The following TSG101 variants were observed in gnomAD, a reference collection of about 807,000 sequenced individuals.
TSG101 encodes tumor susceptibility gene 101 protein.
TSG101 carries 19 observed loss-of-function variants against 48.5 expected under a neutral mutation model. That is an observed-to-expected ratio of 0.39 (90% CI 0.27 to 0.58). The LOEUF is 0.58. Ranked by LOEUF, TSG101 falls within the 20% of genes least tolerant of loss-of-function variation. The pLI, the probability that TSG101 is intolerant of heterozygous loss-of-function variation, is 0.55. For missense variants in TSG101, 365 were observed against 484.4 expected (o/e 0.75, Z 2.31); for synonymous variants, 174 against 169.4 (o/e 1.03, Z -0.21).
intron 2 of TSG101, among the ~76,000 whole-genome samples, chr11:18,517,541 A>G (rs945030284): frequency 6.6e-6 from 1 of 152,238 alleles, no homozygotes; most frequent in African/African-American, 2.4e-5. Context: ...TGGACTGCAC[A>G]TAAGAACACT....
intron 7 of TSG101, chr11:18,490,111 C>T (rs777877433): frequency 5.6e-6 from 1 of 177,346 alleles, no homozygotes; most frequent in Non-Finnish European, 1.2e-5. Context: ...TCCCATGAAC[C>T]ATTTTTGCTA....
chr11:18,526,718 A>AGGGCGCGGAAGGGAGCGGT, intron 1 of TSG101, 57 bp downstream of exon 1: 1 of 1,576,338 alleles, frequency 6.3e-7, no homozygotes, highest in Admixed American at 1.7e-5. Flanking sequence ...CGGACTCGAC[A>AGGGCGCGGAAGGGAGCGGT]GGGCGCGGAA....
At chr11:18,483,664 A>G (rs533297380) in intron 8 of TSG101, among the ~76,000 whole-genome samples, 119 of 152,280 alleles carry the variant, frequency 7.8e-4, no homozygotes, top group African/African-American at 2.7e-3. Flanking sequence ...AAATGGTCTA[A>G]ATATTATACC....
At chr11:18,514,638 A>T (rs770564885) in intron 4 of TSG101, 40 bp downstream of exon 4, 1 of 1,481,464 alleles carries the variant, frequency 6.8e-7, no homozygotes, top group East Asian at 2.6e-5. Flanking sequence ...AGCAAAATAT[A>T]TAAAACATAA....
intron 7 of TSG101, among the ~76,000 whole-genome samples, chr11:18,484,800 A>G (rs1409111974): frequency 6.6e-6 from 1 of 152,128 alleles, no homozygotes; most frequent in Admixed American, 6.5e-5. Flanking sequence ...AAGTTTGGGT[A>G]TTCTTTATGA....
At chr11:18,496,833 G>A (rs1028896442) in intron 7 of TSG101, among the ~76,000 whole-genome samples, 2 of 152,184 alleles carry the variant, frequency 1.3e-5, no homozygotes, top group Non-Finnish European at 2.9e-5. Context: ...GCTCAGGCCT[G>A]TAATACCAGC....
At chr11:18,487,793 A>G (rs1353751880) in intron 7 of TSG101, among the ~76,000 whole-genome samples, 1 of 152,196 alleles carries the variant, frequency 6.6e-6, no homozygotes, top group Non-Finnish European at 1.5e-5. Context: ...GTGAGCATAC[A>G]TCCTCCTTTT....
chr11:18,506,741 T>C, intron 6 of TSG101, 116 bp downstream of exon 6: 1 of 745,840 alleles, frequency 1.3e-6, no homozygotes, highest in Non-Finnish European at 2.1e-6. Context: ...CCAAGTTTTA[T>C]CTTCCACTAA....
intron 2 of TSG101, among the ~76,000 whole-genome samples, chr11:18,517,138 C>T (rs1850191292): frequency 1.3e-5 from 2 of 151,260 alleles, no homozygotes; most frequent in South Asian, 4.2e-4. Flanking sequence ...CCTCCCACCT[C>T]AGCCTTCCGT....
chr11:18,490,794 G>T lies in TSG101; in HGVS notation c.641-6722C>A, dbSNP rs745404071. On this transcript the variant is annotated intron_variant, in intron 7 of 9. Transcript: ENST00000251968. The stretch of plus-strand genomic sequence containing the variant: ...GGAGAAGACATGCCAGGAAAGCAGC[G>T]GGCACCAACCATGTTCTTGTAGGCA... 5.7e-6 allele frequency: 3 copies of T among 525,964 alleles called. No individual in the cohort carries two copies. The Admixed American group carries it at 6.4e-5, about 11-fold the overall frequency. 32.6% of individuals were successfully genotyped at this position (525,964 alleles called of 1,614,324 possible).
intron 5 of TSG101, chr11:18,508,478 C>T (rs1850014869): frequency 6.6e-6 from 1 of 151,972 alleles, no homozygotes; most frequent in Admixed American, 6.6e-5. Context: ...GTTACAGCTA[C>T]CACACCCGGC....
chr11:18,490,453 G>A lies in TSG101; in HGVS notation c.641-6381C>T. The stretch of plus-strand genomic sequence containing the variant: ...TCATAGTAAAAGACTGAGAAATTAA[G>A]TGCCAGACCAAGTCAAACTGGATGT... On this transcript the variant is annotated intron_variant, in intron 7 of 9. Transcript: ENST00000251968. 3.7e-6 allele frequency: 2 copies of A among 542,360 alleles called. 1 individual carries two copies. The highest frequency in any genetic ancestry group is 3.3e-5 in the South Asian group (2 of 60,814). The allele number at this position is 542,360 out of a possible 1,614,324, so 33.6% of individuals were successfully genotyped here. A position where few individuals can be genotyped will look rare whatever the true frequency, so the allele number is the denominator to read the frequency against.
At chr11:18,517,717 G>T (rs566813175) in intron 2 of TSG101, among the ~76,000 whole-genome samples, 1 of 152,278 alleles carries the variant, frequency 6.6e-6, no homozygotes, top group African/African-American at 2.4e-5. Flanking sequence ...TGTGTAGTAG[G>T]ATATACCATC....
chr11:18,509,595 G>C lies in TSG101; in HGVS notation c.428C>G (p.Ser143Cys). Reference protein sequence around the residue: ...VVFGDEPPVFSRPISASYPPY... With the variant: ...VVFGDEPPVFCRPISASYPPY... ...CGGATAGGATGCCGAAATAGGACGA[G>C]AGAAGACTGGAGGTTCATCTCCAAA... The change falls in exon 5 of 10, where the codon TCT becomes TGT. Residue 143 changes from serine (S) to cysteine (C), a missense_variant. Ser to Cys is a moderately radical substitution (Grantham distance 112). Coordinates refer to ENST00000251968, the MANE Select transcript of TSG101 (RefSeq NM_006292.4). The C allele has an allele frequency of 6.2e-7, 1 of 1,614,010 alleles. No homozygotes were observed. Among genetic ancestry groups the C allele is most frequent in the Non-Finnish European group, 8.5e-7 (1 of 1,179,894 alleles).
intron 7 of TSG101, among the ~76,000 whole-genome samples, chr11:18,486,647 G>C (rs1256561450): frequency 4.6e-5 from 7 of 151,608 alleles, no homozygotes; most frequent in African/African-American, 7.3e-5. Context: ...TGGAGAAATA[G>C]GAACACTTTT....
At chr11:18,502,789 G>T (rs1849910055) in intron 6 of TSG101, among the ~76,000 whole-genome samples, 1 of 152,160 alleles carries the variant, frequency 6.6e-6, no homozygotes, top group Non-Finnish European at 1.5e-5. Flanking sequence ...AAATGCTCTT[G>T]CTTGGTCCCA....
intron 6 of TSG101, among the ~76,000 whole-genome samples, chr11:18,505,224 G>A (rs1849948951): frequency 6.6e-6 from 1 of 151,928 alleles, no homozygotes; most frequent in Admixed American, 6.6e-5. Flanking sequence ...TGTTAGAGCA[G>A]CTGGAAGTCT....
intron 5 of TSG101, 41 bp downstream of exon 5, chr11:18,509,501 T>A: frequency 6.3e-7 from 1 of 1,589,212 alleles, no homozygotes; most frequent in Non-Finnish European, 8.6e-7. Flanking sequence ...TGTTCTCTTT[T>A]GTTTATATGA....
chr11:18,499,030 T>C (rs1256318081), intron 7 of TSG101, among the ~76,000 whole-genome samples: 1 of 151,464 alleles, frequency 6.6e-6, no homozygotes, highest in Non-Finnish European at 1.5e-5. Context: ...TGACCAGTTT[T>C]AGCAAAATGG....
Sources: allele counts gnomAD v4.1 joint callset (sites outside exome capture counted in the v4.1 genomes callset), GRCh38; gene constraint gnomAD v4.1.1; transcripts MANE v1.5; gene names NCBI Gene and HGNC (gene_info 2026-07-23, HGNC 2026-07-21).